Variants in MDM2 observed in about 807,000 individuals in gnomAD.
MDM2 encodes the protein MDM2 proto-oncogene, also known as E3 ubiquitin-protein ligase Mdm2.
MDM2 carries 11 observed loss-of-function variants against 64.3 expected under a neutral mutation model. The observed-to-expected ratio is 0.17, with a 90% confidence interval of 0.11 to 0.28. The LOEUF is 0.28. Among genes scored for constraint, MDM2 ranks in the 10% least tolerant of loss-of-function variants. The pLI is 1.00. For synonymous variants in MDM2, 194 were observed against 192.9 expected, an observed-to-expected ratio of 1.01 and a Z score of -0.05; for missense variants, 388 against 577.1, an observed-to-expected ratio of 0.67 and a Z score of 3.36.
At chr12:68,835,157 A>G (rs1434692519) in intron 8 of MDM2, among the ~76,000 whole-genome samples, 1 of 152,214 alleles carries the variant, frequency 6.6e-6, no homozygotes, top group African/African-American at 2.4e-5. Flanking sequence ...AGCTCAAAGT[A>G]TATATAATTC....
intron 7 of MDM2, 50 bp from the exon 8 acceptor site, chr12:68,828,721 A>G (rs1483624003): frequency 1.9e-6 from 3 of 1,574,284 alleles, no homozygotes; most frequent in Non-Finnish European, 1.7e-6. Context: ...AAACAGCTCA[A>G]TTTTCTAAAT....
intron 4 of MDM2, among the ~76,000 whole-genome samples, chr12:68,819,864 C>T (rs901709947): frequency 6.6e-6 from 1 of 152,202 alleles, no homozygotes; most frequent in Non-Finnish European, 1.5e-5. Flanking sequence ...TAATCAAATT[C>T]CTATTTAATG....
chr12:68,836,506 TCTC>T (rs1258625615), intron 9 of MDM2, 163 bp from the exon 10 acceptor site: 7 of 539,070 alleles, frequency 1.3e-5, no homozygotes, highest in Non-Finnish European at 2.3e-5. Context: ...AGGATTTCTC[TCTC>T]CTCCATTTTT....
Position 68,842,879 on chromosome 12 carries a change from T to C in MDM2, c.*3030T>C, listed in dbSNP as rs766274731. On this transcript the variant is annotated 3_prime_UTR_variant, in exon 11 of 11. Coordinates refer to ENST00000258149, the MANE Select transcript of MDM2 (RefSeq NM_002392.6). Reference sequence around the variant, plus strand: ...CTTATATAATGAAGCCTAGTTATGCTGGACTGTTTTGATCTCTTTTAATTG... The same window carrying C: ...CTTATATAATGAAGCCTAGTTATGCCGGACTGTTTTGATCTCTTTTAATTG... 1.9e-5 allele frequency: 4 copies of C among 206,608 alleles called. No homozygotes were observed. The highest frequency in any genetic ancestry group is 9.1e-5 in the African/African-American group (4 of 43,764). 12.8% of individuals were successfully genotyped at this position (206,608 alleles called of 1,614,324 possible).
intron 8 of MDM2, among the ~76,000 whole-genome samples, chr12:68,833,786 G>GTA (rs1448921799): frequency 6.6e-6 from 1 of 152,120 alleles, no homozygotes; most frequent in Non-Finnish European, 1.5e-5. Flanking sequence ...GACCCCTACC[G>GTA]TAGAGTATGT....
At chr12:68,850,484 A>C (rs1232162952), downstream of MDM2, 1 of 152,156 alleles carries the variant, frequency 6.6e-6, no homozygotes, top group Non-Finnish European at 1.5e-5. Flanking sequence ...GCAATGTCTC[A>C]TTTAAACTAT....
At chr12:68,848,217 C>G (rs1255303614), downstream of MDM2, 1 of 152,240 alleles carries the variant, frequency 6.6e-6, no homozygotes, top group Non-Finnish European at 1.5e-5. Context: ...GCGTCTTGCT[C>G]TGTTGCCCAG....
chr12:68,820,412 A>T (rs746619433), intron 5 of MDM2, 38 bp downstream of exon 5: 20 of 1,501,944 alleles, frequency 1.3e-5, no homozygotes, highest in Non-Finnish European at 1.8e-5. Flanking sequence ...AATACCATAA[A>T]AACGTTTTAA....
intron 4 of MDM2, among the ~76,000 whole-genome samples, chr12:68,817,950 G>A (rs1881528574): frequency 6.6e-6 from 1 of 151,670 alleles, no homozygotes; most frequent in South Asian, 2.1e-4. Flanking sequence ...GGTGCCTGCT[G>A]CCATGCCTAA....
Position 68,839,973 on chromosome 12 carries a change from TTAGTA to T in MDM2, c.*127_*131del, listed in dbSNP as rs796631937. On this transcript the variant is annotated 3_prime_UTR_variant, in exon 11 of 11. Transcript: ENST00000258149. ...CTCAATTCACATAGATTTCTTCTCT[TTAGTA>T]TAATTGACCTACTTTGGTAGTGGAA... 5.3e-5 allele frequency: 46 copies of T among 874,990 alleles called. No homozygotes were observed. The African/African-American group carries it at 7.1e-4, about 14-fold the overall frequency. The allele number at this position is 874,990 out of a possible 1,614,324, so 54.2% of individuals were successfully genotyped here.
At chr12:68,825,377 G>C (rs563025519) in intron 7 of MDM2, among the ~76,000 whole-genome samples, 1 of 151,818 alleles carries the variant, frequency 6.6e-6, no homozygotes, top group South Asian at 2.1e-4. Flanking sequence ...ATAAGGGCCG[G>C]GCGCAGTGGC....
chr12:68,842,055 A>G lies in MDM2; in HGVS notation c.*2206A>G, dbSNP rs1436372679. 4 of 404,604 alleles carry G rather than the reference A, an allele frequency of 9.9e-6. No homozygotes were observed. The highest frequency in any genetic ancestry group is 9.0e-5 in the East Asian group (2 of 22,282). The allele number at this position is 404,604 out of a possible 1,614,324, so 25.1% of individuals were successfully genotyped here. On this transcript the variant is annotated 3_prime_UTR_variant, in exon 11 of 11. Coordinates refer to ENST00000258149, the MANE Select transcript of MDM2 (RefSeq NM_002392.6). ...AACTTTAAAAGAAGTGCAATTCTCAAAAGGTTAGGTGGACTAAAGCATTCT... is the reference window on the plus strand; with the variant it reads ...AACTTTAAAAGAAGTGCAATTCTCAGAAGGTTAGGTGGACTAAAGCATTCT...
At chr12:68,821,340 C>T (rs1398004052) in intron 5 of MDM2, among the ~76,000 whole-genome samples, 1 of 152,094 alleles carries the variant, frequency 6.6e-6, no homozygotes, top group African/African-American at 2.4e-5. Flanking sequence ...GCCACTGCAC[C>T]CGGTCTCACA....
chr12:68,826,528 A>T (rs572274502), intron 7 of MDM2, among the ~76,000 whole-genome samples: 1 of 151,774 alleles, frequency 6.6e-6, no homozygotes, highest in Admixed American at 6.6e-5. Context: ...AGGCGCCTGT[A>T]ATCCCAGCTA....
At chr12:68,836,097 CTTGAT>C in intron 9 of MDM2, 113 bp downstream of exon 9, 1 of 972,040 alleles carries the variant, frequency 1.0e-6, no homozygotes, top group Admixed American at 3.1e-5. Flanking sequence ...ATCTTTACCT[CTTGAT>C]TTGTTTAAAC....
chr12:68,808,939 G>C (rs1880608699), intron 1 of MDM2: 1 of 1,374,730 alleles, frequency 7.3e-7, no homozygotes, highest in African/African-American at 1.5e-5. Context: ...GTTCAGACAC[G>C]TTCCGAAACT....
At chr12:68,845,980 G>A (rs1351168797), downstream of MDM2, 1 of 148,318 alleles carries the variant, frequency 6.7e-6, no homozygotes, top group Non-Finnish European at 1.5e-5. Flanking sequence ...CTGAGACAGA[G>A]TCTTGCTCTT....
intron 1 of MDM2, 46 bp downstream of exon 1, chr12:68,808,537 C>A (rs956943795): frequency 3.5e-5 from 56 of 1,613,196 alleles, no homozygotes; most frequent in Non-Finnish European, 4.7e-5. Context: ...TGGGCTCTGA[C>A]GGTGTCCCCT....
intron 7 of MDM2, among the ~76,000 whole-genome samples, chr12:68,825,203 C>T (rs1203911678): frequency 1.3e-5 from 2 of 151,974 alleles, no homozygotes; most frequent in Non-Finnish European, 2.9e-5. Context: ...TGTGAGACTT[C>T]GTCTAAAAAG....
Sources: allele counts gnomAD v4.1 joint callset (sites outside exome capture counted in the v4.1 genomes callset), GRCh38; gene constraint gnomAD v4.1.1; transcripts MANE v1.5; gene names NCBI Gene and HGNC (gene_info 2026-07-23, HGNC 2026-07-21).